The following GTF2E2 variants were observed in gnomAD, a reference collection of about 807,000 sequenced individuals.
GTF2E2 encodes transcription initiation factor IIE subunit beta.
GTF2E2 carries 21 observed loss-of-function variants against 40.5 expected under a neutral mutation model. The observed-to-expected ratio is 0.52, with a 90% confidence interval of 0.37 to 0.75. The LOEUF (loss-of-function observed/expected upper bound fraction) is 0.75. GTF2E2 is among the 30% of genes least tolerant of loss of function. The probability of loss-of-function intolerance (pLI) is 0.00; values close to 1 mark genes in which losing one functional copy is unlikely to be tolerated. For synonymous variants in GTF2E2, 117 were observed against 121.6 expected, an observed-to-expected ratio of 0.96 and a Z score of 0.25; for missense variants, 298 against 338.4, an observed-to-expected ratio of 0.88 and a Z score of 0.94.
At chr8:30,597,682 A>G (rs1411784750) in intron 6 of GTF2E2, 2 of 152,210 alleles carry the variant, frequency 1.3e-5, no homozygotes, top group African/African-American at 2.4e-5. Context: ...AGATATCAGC[A>G]TGCAGACTTC....
intron 2 of GTF2E2, among the ~76,000 whole-genome samples, chr8:30,640,728 G>A (rs896517637): frequency 7.9e-5 from 12 of 152,080 alleles, no homozygotes; most frequent in Admixed American, 3.9e-4. Flanking sequence ...GCGGGGGGAC[G>A]GAGTCTCACT....
rs33951211 is a variant in GTF2E2 at position 30,642,296 on chromosome 8, C to CAAAA, written c.167-7177_167-7174dup. 3.3e-3 allele frequency among the ~76,000 whole-genome samples: 433 copies of CAAAA among 129,852 alleles called. 8 individuals are homozygous for CAAAA. Among genetic ancestry groups the CAAAA allele is most frequent in the East Asian group, 0.024 (105 of 4,292 alleles). The allele number at this position is 129,852 out of a possible 152,430, so 85.2% of individuals were successfully genotyped here. On this transcript the variant is annotated intron_variant, in intron 2 of 7. Coordinates refer to ENST00000355904, the MANE Select transcript of GTF2E2 (RefSeq NM_002095.6). ...TCTTTTTGAATTAAAGGAGAAAAGC[C>CAAAA]AAAAAAAAAAAAAAGGAAAGGAATA...
intron 5 of GTF2E2, among the ~76,000 whole-genome samples, chr8:30,611,380 C>T (rs1344778370): frequency 1.3e-5 from 2 of 152,020 alleles, no homozygotes; most frequent in African/African-American, 2.4e-5. Context: ...TGAGATGACT[C>T]GGCTGTTAGA....
intron 3 of GTF2E2, among the ~76,000 whole-genome samples, chr8:30,633,383 C>T (rs1409833166): frequency 6.6e-6 from 1 of 152,008 alleles, no homozygotes; most frequent in Non-Finnish European, 1.5e-5. Context: ...CATTTAGATT[C>T]CATTAGATAA....
intron 2 of GTF2E2, among the ~76,000 whole-genome samples, chr8:30,639,602 T>A (rs1304047763): frequency 6.6e-6 from 1 of 152,174 alleles, no homozygotes; most frequent in Non-Finnish European, 1.5e-5. Context: ...TATTAAAAAT[T>A]AATATTAACT....
At position 30,647,172 on chromosome 8, in the gene GTF2E2, C is replaced by CA. The variant is rs546728764; in HGVS notation, c.166+6260dup. Among the ~76,000 whole-genome samples, 458 of 151,020 alleles carry CA rather than the reference C, an allele frequency of 3.0e-3. 3 individuals carry two copies. Among genetic ancestry groups the CA allele is most frequent in the Admixed American group, 5.1e-3 (78 of 15,168 alleles). On this transcript the variant is annotated intron_variant, in intron 2 of 7. Coordinates refer to ENST00000355904, the MANE Select transcript of GTF2E2 (RefSeq NM_002095.6). Reference sequence around the variant, plus strand: ...TGGTATATTAAGAGGGCTGTGGGGACAAAAAAAAGCACTAGGTATTATAAA... The same window carrying CA: ...TGGTATATTAAGAGGGCTGTGGGGACAAAAAAAAAGCACTAGGTATTATAAA...
Position 30,578,847 on chromosome 8 carries a change from C to T in GTF2E2, c.*74G>A. On this transcript the variant is annotated 3_prime_UTR_variant, in exon 8 of 8. Transcript: ENST00000355904. ...CGCAAGAAGCAGATAGGAAGACAGT[C>T]TTCAGACCCCGAGCATCAGCAAGAA... 1 of 815,240 alleles carries T rather than the reference C, an allele frequency of 1.2e-6. No homozygotes were observed. The highest frequency in any genetic ancestry group is 2.2e-6 in the Non-Finnish European group (1 of 455,020). The allele number at this position is 815,240 out of a possible 1,614,324, so 50.5% of individuals were successfully genotyped here. A position where few individuals can be genotyped will look rare whatever the true frequency, so the allele number is the denominator to read the frequency against.
intron 4 of GTF2E2, among the ~76,000 whole-genome samples, 163 bp from the exon 5 acceptor site, chr8:30,612,644 A>C (rs1206348485): frequency 2.0e-5 from 3 of 152,106 alleles, no homozygotes; most frequent in Non-Finnish European, 2.9e-5. Flanking sequence ...CTCCTGCCTC[A>C]GCCTCCCTCT....
Position 30,653,480 on chromosome 8 carries a change from T to A in GTF2E2, c.119A>T (p.Lys40Ile). 1 of 1,613,842 alleles carries A rather than the reference T, an allele frequency of 6.2e-7. No homozygotes were observed. Among genetic ancestry groups the A allele is most frequent in the Non-Finnish European group, 8.5e-7 (1 of 1,179,744 alleles). ...ESSSSSSKKK[K>I]TKVEHGGSSG... ...CGATCCTCCATGTTCTACCTTTGTTTTCTTCTTCTTTGACGATGATGATGA... is the reference window on the plus strand; with the variant it reads ...CGATCCTCCATGTTCTACCTTTGTTATCTTCTTCTTTGACGATGATGATGA... Residue 40 changes from lysine (K) to isoleucine (I), a missense_variant, in exon 2 of 8, where the codon AAA becomes ATA. Physicochemically the swap from Lys to Ile is moderately radical, Grantham distance 102. Transcript: ENST00000355904.
At chr8:30,610,872 G>A (rs977967603) in intron 5 of GTF2E2, among the ~76,000 whole-genome samples, 1 of 152,146 alleles carries the variant, frequency 6.6e-6, no homozygotes, top group Non-Finnish European at 1.5e-5. Context: ...ACAATCAACA[G>A]AGTAAAATGG....
At chr8:30,647,253 G>A (rs1461110840) in intron 2 of GTF2E2, among the ~76,000 whole-genome samples, 1 of 152,068 alleles carries the variant, frequency 6.6e-6, no homozygotes, top group South Asian at 2.1e-4. Flanking sequence ...ATAAATAACT[G>A]TGTGGTGAAG....
At chr8:30,615,135 C>A (rs1263859529) in intron 3 of GTF2E2, among the ~76,000 whole-genome samples, 1 of 151,882 alleles carries the variant, frequency 6.6e-6, no homozygotes, top group Admixed American at 6.6e-5. Context: ...AAAAATCAGC[C>A]GTGCATGGTG....
intron 6 of GTF2E2, among the ~76,000 whole-genome samples, chr8:30,593,627 T>G (rs1828910019): frequency 6.6e-6 from 1 of 152,202 alleles, no homozygotes; most frequent in Middle Eastern, 3.4e-3. Context: ...TGAGTAGCAC[T>G]ACGAGACTAC....
chr8:30,619,609 G>A (rs945874041), intron 3 of GTF2E2, among the ~76,000 whole-genome samples: 6 of 151,882 alleles, frequency 4.0e-5, no homozygotes, highest in Non-Finnish European at 5.9e-5. Flanking sequence ...GGCTGGTCTC[G>A]AACTCCTGAC....
At chr8:30,651,228 A>G (rs1802266185) in intron 2 of GTF2E2, among the ~76,000 whole-genome samples, 1 of 152,130 alleles carries the variant, frequency 6.6e-6, no homozygotes, top group Non-Finnish European at 1.5e-5. Context: ...TAAAAAGTTC[A>G]CACCGGAAAG....
intron 3 of GTF2E2, among the ~76,000 whole-genome samples, chr8:30,628,402 T>C (rs1311484568): frequency 5.3e-5 from 8 of 152,146 alleles, no homozygotes; most frequent in Non-Finnish European, 1.2e-4. Flanking sequence ...GACAAAAATA[T>C]TCTCCTGTCA....
At chr8:30,645,165 T>C in intron 2 of GTF2E2, 1 of 891,558 alleles carries the variant, frequency 1.1e-6, no homozygotes. Context: ...CATTTAGGCA[T>C]TAATTAAGGA....
chr8:30,581,175 G>A (rs754216457), intron 6 of GTF2E2, among the ~76,000 whole-genome samples: 11 of 152,146 alleles, frequency 7.2e-5, no homozygotes, highest in East Asian at 3.9e-4. Flanking sequence ...AGACTTACAC[G>A]CTCAGGAACG....
At chr8:30,623,735 G>A (rs1373475766) in intron 3 of GTF2E2, among the ~76,000 whole-genome samples, 1 of 152,028 alleles carries the variant, frequency 6.6e-6, no homozygotes, top group Non-Finnish European at 1.5e-5. Context: ...GTATCTCATT[G>A]TGGTTTTGAT....
Sources: gnomAD v4.1 joint callset for allele counts (sites outside exome capture counted in the v4.1 genomes callset) on GRCh38, gnomAD v4.1.1 for gene constraint, MANE v1.5 for transcripts, NCBI Gene and HGNC (gene_info 2026-07-23, HGNC 2026-07-21) for gene names.